The following ZDHHC1 variants were observed in gnomAD, a reference collection of about 807,000 sequenced individuals.
ZDHHC1 encodes zDHHC palmitoyltransferase 1.
Under a neutral mutation model 46.9 loss-of-function variants are expected in ZDHHC1, and 45 were observed. The ratio of observed to expected loss-of-function variants is 0.96; its 90% confidence interval spans 0.76 to 1.23. The LOEUF (loss-of-function observed/expected upper bound fraction) is 1.23, where lower values mean the gene tolerates loss of function less well. ZDHHC1 is among the 50% of genes most tolerant of loss of function. ZDHHC1 has a pLI of 0.00. For missense variants in ZDHHC1, 649 were observed against 670.8 expected, an observed-to-expected ratio of 0.97 and a Z score of 0.36; for synonymous variants, 291 against 286.0, an observed-to-expected ratio of 1.02 and a Z score of -0.18.
At chr16:67,405,156 T>C (rs1597543789) in intron 3 of ZDHHC1, among the ~76,000 whole-genome samples, 2 of 152,132 alleles carry the variant, frequency 1.3e-5, no homozygotes, top group African/African-American at 4.8e-5. Context: ...TCCTCTAGGG[T>C]CCGCCTCCAC....
At position 67,400,971 on chromosome 16, in the gene ZDHHC1, C is replaced by A; in HGVS notation, c.414G>T (p.Leu138Phe). ...CACACACTCACACATCCACGTTGCACAAGTTGCAGTGCAGGTCTTCAATGA... is the reference window on the plus strand; with the variant it reads ...CACACACTCACACATCCACGTTGCAAAAGTTGCAGTGCAGGTCTTCAATGA... Reference protein sequence around the residue: ...AHVIEDLHCNLCNVDVSARSK... With the variant: ...AHVIEDLHCNFCNVDVSARSK... Residue 138 changes from leucine (L) to phenylalanine (F), a missense_variant, in exon 4 of 12, where the codon TTG (leucine) becomes TTT (phenylalanine). By Grantham distance (22) the Leu-to-Phe change is conservative. Transcript: ENST00000565726. The A allele has an allele frequency of 6.2e-7, 1 of 1,613,918 alleles. No individual in the cohort carries two copies. Among genetic ancestry groups the A allele is most frequent in the Non-Finnish European group, 8.5e-7 (1 of 1,179,946 alleles).
Position 67,398,817 on chromosome 16 carries a change from G to T in ZDHHC1, c.655+3C>A, listed in dbSNP as rs762103311. ...TGAGAATAGGCCCGGAGCCTAAACT[G>T]ACCTTCAAAGTGTCGGTTGGTGCGC... On this transcript the variant is annotated splice_donor_region_variant and intron_variant, in intron 6 of 11. Coordinates refer to ENST00000565726, the MANE Select transcript of ZDHHC1 (RefSeq NM_001323627.2). The T allele has an allele frequency of 6.2e-7, 1 of 1,612,654 alleles. No homozygotes were observed. Among genetic ancestry groups the T allele is most frequent in the Non-Finnish European group, 8.5e-7 (1 of 1,179,480 alleles).
rs911933215 is a variant in ZDHHC1, at chr16:67,410,959, C to T, written c.-38-3146G>A. Among the ~76,000 whole-genome samples, 19 of 152,248 alleles carry T rather than the reference C, an allele frequency of 1.2e-4. No individual in the cohort carries two copies. The South Asian group carries it at 2.9e-3, about 23-fold the overall frequency. On this transcript the variant is annotated intron_variant, in intron 1 of 11. Transcript: ENST00000565726. Reference sequence around the variant, plus strand: ...CTAGGATTACAGGCATGAGCCACCACGCCCTGCCTGCGTACCTTAATTTAT... The same window carrying T: ...CTAGGATTACAGGCATGAGCCACCATGCCCTGCCTGCGTACCTTAATTTAT...
chr16:67,395,638 C>G, intron 8 of ZDHHC1, 72 bp from the exon 9 acceptor site: 2 of 1,436,028 alleles, frequency 1.4e-6, no homozygotes, highest in Non-Finnish European at 1.9e-6. Flanking sequence ...CCTAAGCCCA[C>G]GCAGTCCTGC....
chr16:67,403,467 G>A (rs1315562578), intron 3 of ZDHHC1, among the ~76,000 whole-genome samples: 1 of 152,186 alleles, frequency 6.6e-6, no homozygotes, highest in African/African-American at 2.4e-5. Context: ...TGGGAGCAGG[G>A]AGAGAGACAA....
chr16:67,410,494 T>C (rs959860447), intron 1 of ZDHHC1, among the ~76,000 whole-genome samples: 3 of 152,140 alleles, frequency 2.0e-5, no homozygotes, highest in Admixed American at 6.5e-5. Flanking sequence ...ACCTGGCTTC[T>C]GAGGCAGGCA....
At chr16:67,410,909 C>T (rs1027761691) in intron 1 of ZDHHC1, among the ~76,000 whole-genome samples, 2 of 151,994 alleles carry the variant, frequency 1.3e-5, no homozygotes, top group African/African-American at 4.8e-5. Flanking sequence ...CTCAGATGAC[C>T]CACTCAGCTC....
intron 1 of ZDHHC1, among the ~76,000 whole-genome samples, chr16:67,408,464 C>T (rs555385910): frequency 6.6e-6 from 1 of 151,478 alleles, no homozygotes; most frequent in Non-Finnish European, 1.5e-5. Context: ...CGTGAGCCAC[C>T]GTGCCCGGCC....
chr16:67,397,596 C>T (rs1283710068), intron 8 of ZDHHC1, among the ~76,000 whole-genome samples: 1 of 152,168 alleles, frequency 6.6e-6, no homozygotes, highest in Non-Finnish European at 1.5e-5. Flanking sequence ...CTGCCCGGGC[C>T]CCGCCTTCCT....
intron 5 of ZDHHC1, 73 bp from the exon 6 acceptor site, chr16:67,399,017 T>C: frequency 6.4e-7 from 1 of 1,558,932 alleles, no homozygotes; most frequent in Non-Finnish European, 8.7e-7. Context: ...GTTGGGGCTG[T>C]AGGGTCATTG....
chr16:67,416,422 G>GCTC lies in ZDHHC1; in HGVS notation c.-291_-290insGAG. On this transcript the variant is annotated 5_prime_UTR_variant, in exon 1 of 12. Transcript: ENST00000565726. ...GGCTCCGGCTCCGGCTCCGGCTCCA[G>GCTC]CAGGCTGGAGGGGCGGCCAGGCCAG... 4.7e-6 allele frequency: 1 copy of GCTC among 210,536 alleles called. No individual in the cohort carries two copies. The highest frequency in any genetic ancestry group is 9.7e-6 in the Non-Finnish European group (1 of 102,904). 13.0% of individuals were successfully genotyped at this position (210,536 alleles called of 1,614,324 possible). A position where few individuals can be genotyped will look rare whatever the true frequency, so the allele number is the denominator to read the frequency against.
chr16:67,403,688 CAGCCTCCGCCCCCCGACCCGGGTTCA>C (rs1472096506), intron 3 of ZDHHC1, among the ~76,000 whole-genome samples: 16 of 152,150 alleles, frequency 1.1e-4, no homozygotes, highest in Admixed American at 5.9e-4. Context: ...CGGCTCACTG[CAGCCTCCGCCCCCCGACCCGGGTTCA>C]AGCGATTCTC....
intron 4 of ZDHHC1, among the ~76,000 whole-genome samples, chr16:67,399,663 G>T (rs2040509784): frequency 6.6e-6 from 1 of 152,190 alleles, no homozygotes. Context: ...AGAGCTGGGG[G>T]ACCCCAGAGG....
At position 67,416,411 on chromosome 16, in the gene ZDHHC1, C is replaced by CTCCGGG. The variant is rs1253059756; in HGVS notation, c.-280_-279insCCCGGA. 1 of 216,096 alleles carries CTCCGGG rather than the reference C, an allele frequency of 4.6e-6. No individual in the cohort carries two copies. Among genetic ancestry groups the CTCCGGG allele is most frequent in the Non-Finnish European group, 9.4e-6 (1 of 105,862 alleles). The allele number at this position is 216,096 out of a possible 1,614,324, so 13.4% of individuals were successfully genotyped here. On this transcript the variant is annotated 5_prime_UTR_variant, in exon 1 of 12. Transcript: ENST00000565726. ...GCTCCGGCTCCGGCTCCGGCTCCGG[C>CTCCGGG]TCCGGCTCCAGCAGGCTGGAGGGGC...
chr16:67,410,938 G>C (rs959263248), intron 1 of ZDHHC1, among the ~76,000 whole-genome samples: 2 of 152,216 alleles, frequency 1.3e-5, no homozygotes, highest in East Asian at 1.9e-4. Flanking sequence ...AAAGTGCTAG[G>C]ATTACAGGCA....
intron 1 of ZDHHC1, 21 bp from the exon 2 acceptor site, chr16:67,407,834 G>A: frequency 1.3e-6 from 1 of 775,440 alleles, no homozygotes; most frequent in Non-Finnish European, 2.4e-6. Flanking sequence ...AGGAAACGTG[G>A]GCACAGTAAA....
At chr16:67,411,315 G>A (rs554732311) in intron 1 of ZDHHC1, among the ~76,000 whole-genome samples, 8 of 152,276 alleles carry the variant, frequency 5.3e-5, no homozygotes, top group African/African-American at 1.4e-4. Context: ...AGAAAGCGAC[G>A]GGGTTGAAGC....
Position 67,399,111 on chromosome 16 carries a change from G to C in ZDHHC1, c.531-167C>G, listed in dbSNP as rs1203720064. On this transcript the variant is annotated intron_variant, in intron 5 of 11. Transcript: ENST00000565726. ...CATACGGCAAAACTGAAGATGGGTG[G>C]CCACCCCATCAGGCAGCCCACATTT... Among the ~76,000 whole-genome samples the C allele has an allele frequency of 3.3e-5, 5 of 152,250 alleles. No homozygotes were observed. In the East Asian group the frequency reaches 9.7e-4, roughly 30 times the overall value.
At chr16:67,400,690 G>C (rs573631446) in intron 4 of ZDHHC1, among the ~76,000 whole-genome samples, 21 of 152,352 alleles carry the variant, frequency 1.4e-4, no homozygotes, top group African/African-American at 4.8e-4. Context: ...ATGTGAGGGT[G>C]TCACTGGCAG....
Sources: gnomAD v4.1 joint callset for allele counts (sites outside exome capture counted in the v4.1 genomes callset) on GRCh38, gnomAD v4.1.1 for gene constraint, MANE v1.5 for transcripts, NCBI Gene and HGNC (gene_info 2026-07-23, HGNC 2026-07-21) for gene names.